SLIT2: variants seen among roughly 807,000 people sequenced by gnomAD.
SLIT2 encodes slit guidance ligand 2.
A neutral mutation model predicts 185.7 loss-of-function variants in SLIT2; 41 were observed. The observed-to-expected ratio is 0.22, with a 90% CI of 0.17 to 0.29. The LOEUF (loss-of-function observed/expected upper bound fraction) is 0.29, where lower values mean the gene tolerates loss of function less well. Among genes scored for constraint, SLIT2 ranks in the 10% least tolerant of loss-of-function variants. The pLI, the probability that SLIT2 is intolerant of heterozygous loss-of-function variation, is 1.00. For synonymous variants in SLIT2, 693 were observed against 680.2 expected (o/e 1.02, Z -0.29); for missense variants, 1,571 against 1,909.0 (o/e 0.82, Z 3.30).
intron 4 of SLIT2, among the ~76,000 whole-genome samples, chr4:20,366,429 A>G (rs566502996): frequency 3.9e-5 from 6 of 152,254 alleles, no homozygotes; most frequent in Admixed American, 3.3e-4. Flanking sequence ...TTTTTGACCA[A>G]TCCTACCATG....
chr4:20,512,022 G>A (rs1719802078), intron 11 of SLIT2, among the ~76,000 whole-genome samples: 1 of 152,080 alleles, frequency 6.6e-6, no homozygotes. Flanking sequence ...TAAATGTATA[G>A]CAGCTGTTAT....
At chr4:20,260,290 A>T (rs1220913969) in intron 3 of SLIT2, among the ~76,000 whole-genome samples, 2 of 151,808 alleles carry the variant, frequency 1.3e-5, no homozygotes, top group African/African-American at 4.8e-5. Context: ...AGAAATCAAT[A>T]AATTAGCTTT....
intron 4 of SLIT2, among the ~76,000 whole-genome samples, chr4:20,328,239 A>G (rs1719758641): frequency 6.6e-6 from 1 of 152,122 alleles, no homozygotes; most frequent in East Asian, 1.9e-4. Flanking sequence ...GTAGATAAGA[A>G]ATTATTCAAA....
Position 20,252,657 on chromosome 4 carries a change from G to A in SLIT2, c.-1159G>A, listed in dbSNP as rs1210385927. On this transcript the variant is annotated 5_prime_UTR_variant, in exon 1 of 37. Coordinates refer to ENST00000504154, the MANE Select transcript of SLIT2 (RefSeq NM_004787.4). ...CTACCTTTGCCATCAGGTGTCTGCC[G>A]CGGAGCTGCGGCTTATCTGGGAGAC... Among the ~76,000 whole-genome samples, 2 of 152,212 alleles carry A rather than the reference G, an allele frequency of 1.3e-5. No homozygotes were observed. Among genetic ancestry groups the A allele is most frequent in the African/African-American group, 2.4e-5 (1 of 41,464 alleles).
At chr4:20,304,363 T>C (rs965579805) in intron 4 of SLIT2, among the ~76,000 whole-genome samples, 7 of 152,118 alleles carry the variant, frequency 4.6e-5, no homozygotes, top group African/African-American at 1.7e-4. Flanking sequence ...ATACAGAGTG[T>C]ATTTGCAGAA....
At chr4:20,461,621 C>A (rs1405259549) in intron 4 of SLIT2, among the ~76,000 whole-genome samples, 4 of 152,128 alleles carry the variant, frequency 2.6e-5, no homozygotes, top group Non-Finnish European at 4.4e-5. Context: ...GATCAGGGGA[C>A]TAGACGTGCA....
intron 4 of SLIT2, among the ~76,000 whole-genome samples, chr4:20,325,111 C>G (rs1319095508): frequency 6.6e-6 from 1 of 151,772 alleles, no homozygotes; most frequent in Admixed American, 6.6e-5. Context: ...TTCCCTCCTA[C>G]TTTCTCACCC....
chr4:20,575,496 T>C (rs1409206243), intron 29 of SLIT2, among the ~76,000 whole-genome samples: 5 of 152,212 alleles, frequency 3.3e-5, no homozygotes, highest in African/African-American at 1.2e-4. Context: ...AAACCACTTA[T>C]TCAAGGATAT....
intron 4 of SLIT2, among the ~76,000 whole-genome samples, chr4:20,272,526 A>G (rs1416341097): frequency 6.6e-6 from 1 of 152,142 alleles, no homozygotes; most frequent in Non-Finnish European, 1.5e-5. Flanking sequence ...AAAGAGGCTT[A>G]AGAGTAAGTG....
At chr4:20,522,921 C>T (rs573683887) in intron 12 of SLIT2, among the ~76,000 whole-genome samples, 1 of 151,916 alleles carries the variant, frequency 6.6e-6, no homozygotes, top group East Asian at 1.9e-4. Flanking sequence ...ATATAGATGA[C>T]AGTCAGCAGT....
At position 20,616,785 on chromosome 4, in the gene SLIT2, C is replaced by G. The variant is rs112870826; in HGVS notation, c.3848-125C>G. 717 of 1,048,730 alleles carry G rather than the reference C, an allele frequency of 6.8e-4. 5 individuals carry two copies. In the African/African-American group the frequency reaches 0.01, roughly 15 times the overall value. 65.0% of individuals were successfully genotyped at this position (1,048,730 alleles called of 1,614,324 possible). ...ATCTCTTCTCCACTTCACTTCCCTA[C>G]CACCCTGCCCAAATATCCTGCCATA... On this transcript the variant is annotated intron_variant, in intron 34 of 36. Coordinates refer to ENST00000504154, the MANE Select transcript of SLIT2 (RefSeq NM_004787.4).
intron 17 of SLIT2, among the ~76,000 whole-genome samples, chr4:20,532,716 C>T (rs755169268): frequency 1.2e-4 from 18 of 152,328 alleles, no homozygotes; most frequent in Non-Finnish European, 1.8e-4. Context: ...CCCATAGTCA[C>T]ATAGACTGTA....
intron 4 of SLIT2, among the ~76,000 whole-genome samples, chr4:20,438,115 G>C (rs2148695051): frequency 6.6e-6 from 1 of 152,038 alleles, no homozygotes; most frequent in Non-Finnish European, 1.5e-5. Context: ...CTCTTTTCTG[G>C]TCTTTCTACT....
In SLIT2 at chr4:20,528,025, G is replaced by A. The variant is rs888439231; in HGVS notation, c.1463-924G>A. 1.3e-5 allele frequency among the ~76,000 whole-genome samples: 2 copies of A among 151,894 alleles called. No individual in the cohort carries two copies. Among genetic ancestry groups the A allele is most frequent in the South Asian group, 2.1e-4 (1 of 4,806 alleles). On this transcript the variant is annotated intron_variant, in intron 15 of 36. Transcript: ENST00000504154. This position sits in a 1 kb window ranked among gnomAD's most constrained non-coding sequence, Gnocchi z 4.2. ...GTAGCTCACCTTCAACTTCTTCCTG[G>A]ATGTTGTTCCCGAAAGCTGTTGTTT... is the stretch of plus-strand genomic sequence containing the variant.
At position 20,619,059 on chromosome 4, in the gene SLIT2, C is replaced by G. The variant is rs772869429; in HGVS notation, c.*50C>G. 6.4e-7 allele frequency: 1 copy of G among 1,567,040 alleles called. No homozygotes were observed. Among genetic ancestry groups the G allele is most frequent in the Non-Finnish European group, 8.7e-7 (1 of 1,144,188 alleles). On this transcript the variant is annotated 3_prime_UTR_variant, in exon 37 of 37. Transcript: ENST00000504154. Reference sequence around the variant, plus strand: ...TGGAAAAGGTTGTATACTTCTTGACCGTGTGGGACTAATGAATGCTTCATA... The same window carrying G: ...TGGAAAAGGTTGTATACTTCTTGACGGTGTGGGACTAATGAATGCTTCATA...
intron 4 of SLIT2, among the ~76,000 whole-genome samples, chr4:20,396,811 A>G (rs1725929514): frequency 6.7e-6 from 1 of 148,366 alleles, no homozygotes; most frequent in South Asian, 2.1e-4. Flanking sequence ...ATATGAGAAC[A>G]TATTTCATAT....
chr4:20,541,341 G>A, intron 19 of SLIT2, 112 bp from the exon 20 acceptor site: 1 of 853,982 alleles, frequency 1.2e-6, no homozygotes, highest in Non-Finnish European at 1.8e-6. Flanking sequence ...GGAATGCAAA[G>A]AAGAAGGAAT....
chr4:20,545,988 A>G (rs1320203943), intron 21 of SLIT2, 43 bp from the exon 22 acceptor site: 1 of 1,118,650 alleles, frequency 8.9e-7, no homozygotes, highest in Non-Finnish European at 1.3e-6. Context: ...ATTCAAGGCC[A>G]CCATTACTTT....
In SLIT2 at chr4:20,391,839, C is replaced by T. The variant is rs149628090; in HGVS notation, c.396-75913C>T. 3.3e-5 allele frequency among the ~76,000 whole-genome samples: 5 copies of T among 152,030 alleles called. No homozygotes were observed. The East Asian group carries it at 9.7e-4, about 29-fold the overall frequency. On this transcript the variant is annotated intron_variant, in intron 4 of 36. Coordinates refer to ENST00000504154, the MANE Select transcript of SLIT2 (RefSeq NM_004787.4). ...TTCTTTGTTTTGAAGACAACGTAGT[C>T]TTCTTTTGAAAAAAAGTCCTCAAAA... is the stretch of plus-strand genomic sequence containing the variant.
Sources: gnomAD v4.1 joint callset for allele counts (sites outside exome capture counted in the v4.1 genomes callset) on GRCh38, gnomAD v4.1.1 for gene constraint, Gnocchi (gnomAD v3.1) non-coding constraint, MANE v1.5 for transcripts, NCBI Gene and HGNC (gene_info 2026-07-23, HGNC 2026-07-21) for gene names.